INSR: variants seen among roughly 807,000 people sequenced by gnomAD.
INSR encodes the protein insulin receptor, also known as IR.
Under a neutral mutation model 142.6 loss-of-function variants are expected in INSR, and 67 were observed. The ratio of observed to expected loss-of-function variants is 0.47; its 90% confidence interval spans 0.39 to 0.58. The LOEUF (loss-of-function observed/expected upper bound fraction) is 0.58. Ranked by LOEUF, INSR falls within the 20% of genes least tolerant of loss-of-function variation. The pLI is 0.00. For synonymous variants in INSR, 756 were observed against 743.1 expected (o/e 1.02, Z -0.28); for missense variants, 1,248 against 1,833.2 (o/e 0.68, Z 5.83).
At chr19:7,284,719 A>G (rs1968300348) in intron 1 of INSR, among the ~76,000 whole-genome samples, 1 of 151,842 alleles carries the variant, frequency 6.6e-6, no homozygotes, top group Non-Finnish European at 1.5e-5. Context: ...TAGTAGAGAC[A>G]GGGTTTCACC....
At chr19:7,268,423 T>C in intron 1 of INSR, 1 of 985,170 alleles carries the variant, frequency 1.0e-6, no homozygotes, top group Non-Finnish European at 1.2e-6. Flanking sequence ...CTGGGTGTGG[T>C]GAGGGCTTCC....
rs565156373 is a variant in INSR, at chr19:7,158,399, G to T, written c.2029+4633C>A. Among the ~76,000 whole-genome samples, 58 of 152,274 alleles carry T rather than the reference G, an allele frequency of 3.8e-4. No homozygotes were observed. In the East Asian group the frequency reaches 5.4e-3, roughly 14 times the overall value. On this transcript the variant is annotated intron_variant, in intron 9 of 21. Coordinates refer to ENST00000302850, the MANE Select transcript of INSR (RefSeq NM_000208.4). ...GCCTGTAGTCCCAGCTACTCGGGAGGCTGACGCAGGAGAATGGCGTGAACC... is the reference window on the plus strand; with the variant it reads ...GCCTGTAGTCCCAGCTACTCGGGAGTCTGACGCAGGAGAATGGCGTGAACC...
intron 4 of INSR, among the ~76,000 whole-genome samples, chr19:7,173,491 G>C (rs373194931): frequency 6.7e-6 from 1 of 149,430 alleles, no homozygotes; most frequent in East Asian, 2.0e-4. Context: ...GCTAATTTTT[G>C]TATTTTTAGG....
intron 2 of INSR, among the ~76,000 whole-genome samples, chr19:7,239,960 AGTC>A (rs1473860307): frequency 6.6e-6 from 1 of 152,138 alleles, no homozygotes; most frequent in Non-Finnish European, 1.5e-5. Context: ...TTTGAGACGG[AGTC>A]TCACTCTGTC....
chr19:7,211,270 T>C (rs1267174249), intron 2 of INSR, among the ~76,000 whole-genome samples: 6 of 152,316 alleles, frequency 3.9e-5, no homozygotes, highest in African/African-American at 1.4e-4. Context: ...TCTTTCTGTA[T>C]TGCCCAGGCT....
Position 7,113,429 on chromosome 19 carries a change from A to G in INSR, c.*3627T>C, listed in dbSNP as rs978014057. ...GTGCTTCTCTTTCTCACTGCTTCCA[A>G]TGATGAAACAGCACCTAGGACAGCT... On this transcript the variant is annotated 3_prime_UTR_variant, in exon 22 of 22. Transcript: ENST00000302850. 6.6e-6 allele frequency: 1 copy of G among 152,174 alleles called. No homozygotes were observed. The highest frequency in any genetic ancestry group is 1.5e-5 in the Non-Finnish European group (1 of 68,046). The allele number at this position is 152,174 out of a possible 1,614,324, so 9.4% of individuals were successfully genotyped here. A position where few individuals can be genotyped will look rare whatever the true frequency, so the allele number is the denominator to read the frequency against.
intron 1 of INSR, among the ~76,000 whole-genome samples, chr19:7,268,161 A>G (rs1967798321): frequency 6.6e-6 from 1 of 152,144 alleles, no homozygotes; most frequent in Non-Finnish European, 1.5e-5. Flanking sequence ...CTCTGAAATG[A>G]TGCAGTCGGG....
chr19:7,197,918 AGT>A (rs71864058), intron 2 of INSR, among the ~76,000 whole-genome samples: 13,065 of 100,060 alleles, frequency 0.13, 1,255 homozygotes, highest in Middle Eastern at 0.23. Flanking sequence ...CCAGAGTGAG[AGT>A]GTGTGTGTGT....
rs756558765 is a variant in INSR at position 7,125,358 on chromosome 19, C to T, written c.3183G>A (p.Glu1061=). The T allele has an allele frequency of 6.2e-7, 1 of 1,614,112 alleles. No homozygotes were observed. Among genetic ancestry groups the T allele is most frequent in the Non-Finnish European group, 8.5e-7 (1 of 1,180,032 alleles). The change falls in exon 17 of 22, where the codon GAG becomes GAA. Residue 1061 remains glutamate, a synonymous_variant. Transcript: ENST00000302850. This position sits in a 1 kb window ranked among gnomAD's most constrained non-coding sequence, Gnocchi z 4.9. ...ETRVAVKTVN[E]SASLRERIEF... ...CAATCCGCTCTCGGAGACTGGCTGA[C>T]TCGTTGACCGTCTTCACCGCCACGC... is the stretch of plus-strand genomic sequence containing the variant.
intron 2 of INSR, among the ~76,000 whole-genome samples, chr19:7,197,510 AGTGG>A (rs1402760953): frequency 1.6e-5 from 1 of 61,922 alleles, no homozygotes; most frequent in Non-Finnish European, 3.3e-5. Flanking sequence ...CCAGAGTGGG[AGTGG>A]GGGTGTGTGT....
At chr19:7,245,912 T>G (rs1164472965) in intron 2 of INSR, among the ~76,000 whole-genome samples, 1 of 152,162 alleles carries the variant, frequency 6.6e-6, no homozygotes, top group Non-Finnish European at 1.5e-5. Flanking sequence ...ATTTAATACC[T>G]GATGAAGAAA....
rs1231774516 is a variant in INSR at position 7,293,999 on chromosome 19, TC to T, written c.-109del. The T allele has an allele frequency of 2.8e-6, 3 of 1,078,716 alleles. No homozygotes were observed. The highest frequency in any genetic ancestry group is 3.4e-6 in the Non-Finnish European group (3 of 882,736). The allele number at this position is 1,078,716 out of a possible 1,614,324, so 66.8% of individuals were successfully genotyped here. ...AGGCGCTGGGGGCCGCGCGTCCTTC[TC>T]TTCCACGCCCGCGACCCGCGGGCCG... On this transcript the variant is annotated 5_prime_UTR_variant, in exon 1 of 22. Transcript: ENST00000302850.
At chr19:7,141,945 CG>C in intron 12 of INSR, 129 bp from the exon 13 acceptor site, 1 of 751,510 alleles carries the variant, frequency 1.3e-6, no homozygotes, top group South Asian at 1.5e-5. Flanking sequence ...CGTCAGAGAA[CG>C]GACATCTAAA....
At chr19:7,135,975 A>AG (rs1972913392) in intron 13 of INSR, among the ~76,000 whole-genome samples, 1 of 150,048 alleles carries the variant, frequency 6.7e-6, no homozygotes, top group African/African-American at 2.5e-5. Flanking sequence ...CTCAAAAAAA[A>AG]AAAAGAAAGA....
chr19:7,246,331 A>C (rs1976535633), intron 2 of INSR, among the ~76,000 whole-genome samples: 1 of 152,196 alleles, frequency 6.6e-6, no homozygotes, highest in South Asian at 2.1e-4. Flanking sequence ...TGGAACGCTG[A>C]GACTATCATG....
intron 2 of INSR, among the ~76,000 whole-genome samples, chr19:7,202,110 TA>T (rs546424068): frequency 1.2e-4 from 19 of 152,214 alleles, no homozygotes; most frequent in Non-Finnish European, 2.4e-4. Flanking sequence ...TCCATTTCAG[TA>T]GTCACTAACC....
At chr19:7,154,536 T>G (rs1365582205) in intron 9 of INSR, among the ~76,000 whole-genome samples, 1 of 150,678 alleles carries the variant, frequency 6.6e-6, no homozygotes, top group African/African-American at 2.4e-5. Flanking sequence ...TCTCCTGACC[T>G]CGTGATCTGC....
In INSR at chr19:7,171,334, C is replaced by T. The variant is rs1974011214; in HGVS notation, c.1269-583G>A. On this transcript the variant is annotated intron_variant, in intron 5 of 21. Coordinates refer to ENST00000302850, the MANE Select transcript of INSR (RefSeq NM_000208.4). Reference sequence around the variant, plus strand: ...TTAGACCACCTTCTCAAGTCACTTACCAGCTCATGTTGATTAACATGTCCT... The same window carrying T: ...TTAGACCACCTTCTCAAGTCACTTATCAGCTCATGTTGATTAACATGTCCT... Among the ~76,000 whole-genome samples the T allele has an allele frequency of 2.0e-5, 3 of 152,266 alleles. No individual in the cohort carries two copies. In the South Asian group the frequency reaches 6.2e-4, roughly 32 times the overall value.
rs1975290697 is a variant in INSR, at chr19:7,212,012, C to T, written c.653-27375G>A. ...GTTATCTTAAAGTAGGGTTTCTCAG[C>T]CTCAGGACTGGTGGTATTCAGAGTC... is the stretch of plus-strand genomic sequence containing the variant. On this transcript the variant is annotated intron_variant, in intron 2 of 21. Transcript: ENST00000302850. Among the ~76,000 whole-genome samples, 3 of 152,240 alleles carry T rather than the reference C, an allele frequency of 2.0e-5. No individual in the cohort carries two copies. The South Asian group carries it at 6.2e-4, about 32-fold the overall frequency.
Sources: allele counts gnomAD v4.1 joint callset (sites outside exome capture counted in the v4.1 genomes callset), GRCh38; gene constraint gnomAD v4.1.1; non-coding constraint Gnocchi (gnomAD v3.1); transcripts MANE v1.5; gene names NCBI Gene and HGNC (gene_info 2026-07-23, HGNC 2026-07-21).